PRSS23: variants seen among roughly 807,000 people sequenced by gnomAD.
PRSS23 encodes the protein protease, serine 23.
A neutral mutation model predicts 34.7 loss-of-function variants in PRSS23; 25 were observed. The observed-to-expected ratio is 0.72, with a 90% confidence interval of 0.53 to 1.01. The LOEUF is 1.01. Among genes scored for constraint, PRSS23 ranks in the 50% least tolerant of loss-of-function variants. PRSS23 has a pLI of 0.00. For missense variants in PRSS23, 445 were observed against 475.6 expected, an observed-to-expected ratio of 0.94 and a Z score of 0.60; for synonymous variants, 176 against 186.6, an observed-to-expected ratio of 0.94 and a Z score of 0.46.
At chr11:86,893,080 G>C (rs1565379102) in intron 2 of PRSS23, among the ~76,000 whole-genome samples, 3 of 152,222 alleles carry the variant, frequency 2.0e-5, no homozygotes, top group Admixed American at 2.0e-4. Flanking sequence ...AGGGCACAGA[G>C]AGAAGATGCT....
intron 2 of PRSS23, chr11:86,950,078 T>C (rs1211631770): frequency 6.6e-6 from 1 of 152,470 alleles, no homozygotes; most frequent in Admixed American, 6.5e-5. Flanking sequence ...GAGTATACTA[T>C]GTCATGGTCC....
chr11:86,863,812 G>T (rs1022784582), intron 2 of PRSS23, among the ~76,000 whole-genome samples: 1 of 152,170 alleles, frequency 6.6e-6, no homozygotes, highest in African/African-American at 2.4e-5. Context: ...CAAGCTGTGG[G>T]TAGAAGAATA....
chr11:86,850,807 C>T (rs1423960523), intron 2 of PRSS23, among the ~76,000 whole-genome samples: 4 of 152,194 alleles, frequency 2.6e-5, no homozygotes, highest in African/African-American at 4.8e-5. Flanking sequence ...ATAAAGTAGA[C>T]AAAACCTAAG....
At chr11:86,883,929 A>T (rs752722752) in intron 2 of PRSS23, among the ~76,000 whole-genome samples, 1 of 150,770 alleles carries the variant, frequency 6.6e-6, no homozygotes, top group African/African-American at 2.4e-5. Flanking sequence ...GCAGCCCAAA[A>T]TCGAACTAAC....
chr11:86,872,492 G>T (rs1045054474), intron 2 of PRSS23, among the ~76,000 whole-genome samples: 1 of 152,026 alleles, frequency 6.6e-6, no homozygotes. Flanking sequence ...TCCACCCTCA[G>T]GTCAGACTGT....
intron 2 of PRSS23, among the ~76,000 whole-genome samples, chr11:86,942,670 C>T (rs1348606037): frequency 6.6e-6 from 1 of 152,118 alleles, no homozygotes; most frequent in Non-Finnish European, 1.5e-5. Context: ...GAATCCTTTG[C>T]CATGAGGGTA....
At chr11:86,813,357 A>G (rs1948193530), downstream of PRSS23, among the ~76,000 whole-genome samples, 1 of 152,246 alleles carries the variant, frequency 6.6e-6, no homozygotes, top group Non-Finnish European at 1.5e-5. Context: ...CTGAAGTGCA[A>G]GGGCCCCTGG....
chr11:86,823,674 T>C, intron 2 of PRSS23: 1 of 686,576 alleles, frequency 1.5e-6, no homozygotes, highest in Non-Finnish European at 2.7e-6. Context: ...TTCTAATGCA[T>C]TTTAACGGAG....
intron 2 of PRSS23, among the ~76,000 whole-genome samples, chr11:86,932,043 C>G (rs577788099): frequency 2.0e-5 from 3 of 152,294 alleles, no homozygotes; most frequent in African/African-American, 7.2e-5. Context: ...AACTTAACCC[C>G]TATCAAAATT....
intron 2 of PRSS23, among the ~76,000 whole-genome samples, chr11:86,833,758 G>A (rs1948379941): frequency 6.6e-6 from 1 of 152,154 alleles, no homozygotes; most frequent in Admixed American, 6.5e-5. Flanking sequence ...TTCCCACCTA[G>A]GCTTAGGGAT....
At chr11:86,952,873 GTTTC>G (rs897128797) in exon 3 of PRSS23, 20 of 156,638 alleles carry the variant, frequency 1.3e-4, no homozygotes, top group East Asian at 7.4e-4. Flanking sequence ...TTTTATCCCC[GTTTC>G]TTTATCATTT....
intron 2 of PRSS23, chr11:86,948,222 T>C (rs999394382): frequency 6.6e-6 from 1 of 152,134 alleles, no homozygotes; most frequent in Non-Finnish European, 1.5e-5. Flanking sequence ...AAGAGATTTA[T>C]GGAATGGAGA....
chr11:86,878,609 G>C (rs1590908713), intron 2 of PRSS23, among the ~76,000 whole-genome samples: 1 of 152,022 alleles, frequency 6.6e-6, no homozygotes, highest in Non-Finnish European at 1.5e-5. Context: ...ATCTCGGCTC[G>C]CTACAACCTC....
At position 86,949,844 on chromosome 11, in the gene PRSS23, G is replaced by A. The variant is rs3802892; in HGVS notation, c.207-1372G>A. 0.7 allele frequency: 107,249 copies of A among 152,584 alleles called. 37,936 individuals carry two copies. The highest frequency in any genetic ancestry group is 0.79 in the Middle Eastern group (231 of 294). 9.5% of individuals were successfully genotyped at this position (152,584 alleles called of 1,614,324 possible). ...AATACTCCAGGCCACACTGCCTCCAGTGAAATCTTACAAGGAGCCTTTGCC... is the reference window on the plus strand; with the variant it reads ...AATACTCCAGGCCACACTGCCTCCAATGAAATCTTACAAGGAGCCTTTGCC... On this transcript the variant is annotated intron_variant, in intron 2 of 2. Coordinates refer to the PRSS23 transcript ENST00000533902.
chr11:86,855,221 AG>A (rs1250463966), intron 2 of PRSS23, among the ~76,000 whole-genome samples: 1 of 152,158 alleles, frequency 6.6e-6, no homozygotes. Flanking sequence ...AGCCTCAAAA[AG>A]AAGAGTATAG....
At chr11:86,813,509 TTAAG>T (rs1192893467), downstream of PRSS23, among the ~76,000 whole-genome samples, 6 of 152,138 alleles carry the variant, frequency 3.9e-5, no homozygotes, top group Non-Finnish European at 8.8e-5. Context: ...TCAAAGGACT[TTAAG>T]TAGGAGCCCT....
exon 3 of PRSS23, chr11:86,952,147 C>A (rs1476724511): frequency 1.9e-6 from 3 of 1,612,524 alleles, no homozygotes; most frequent in Non-Finnish European, 2.5e-6. Context: ...CATAGCCACA[C>A]TTGAGCACAC....
chr11:86,824,901 C>T (rs1349080597), intron 2 of PRSS23, among the ~76,000 whole-genome samples: 2 of 152,052 alleles, frequency 1.3e-5, no homozygotes, highest in Non-Finnish European at 2.9e-5. Flanking sequence ...TGGATTGGTT[C>T]CAAGTCTTTG....
intron 2 of PRSS23, among the ~76,000 whole-genome samples, chr11:86,890,198 A>C (rs1014949520): frequency 6.6e-6 from 1 of 152,072 alleles, no homozygotes; most frequent in Non-Finnish European, 1.5e-5. Flanking sequence ...TGAACCTGGG[A>C]GGCGGACATC....
Sources: allele counts gnomAD v4.1 joint callset (sites outside exome capture counted in the v4.1 genomes callset), GRCh38; gene constraint gnomAD v4.1.1; transcripts MANE v1.5; gene names NCBI Gene and HGNC (gene_info 2026-07-23, HGNC 2026-07-21).